Variants in ATP2B2 observed in about 807,000 individuals in gnomAD.
The protein encoded by ATP2B2 is plasma membrane calcium-transporting ATPase 2.
ATP2B2 carries 15 observed loss-of-function variants against 120.0 expected under a neutral mutation model. The ratio of observed to expected loss-of-function variants is 0.12; its 90% CI spans 0.08 to 0.19. The LOEUF is 0.19. Among genes scored for constraint, ATP2B2 ranks in the 10% least tolerant of loss-of-function variants. The pLI, the probability that ATP2B2 is intolerant of heterozygous loss-of-function variation, is 1.00. For synonymous variants in ATP2B2, 694 were observed against 700.3 expected, an observed-to-expected ratio of 0.99 and a Z score of 0.14; for missense variants, 1,045 against 1,719.8, an observed-to-expected ratio of 0.61 and a Z score of 6.94.
intron 2 of ATP2B2, among the ~76,000 whole-genome samples, chr3:10,615,004 C>T (rs146294069): frequency 8.6e-4 from 131 of 152,276 alleles, no homozygotes; most frequent in Non-Finnish European, 1.4e-3. Context: ...CATGCACGGT[C>T]CTGGATTCTA....
chr3:10,604,088 T>C (rs2068996878), intron 2 of ATP2B2, among the ~76,000 whole-genome samples: 1 of 152,100 alleles, frequency 6.6e-6, no homozygotes, highest in Admixed American at 6.6e-5. Flanking sequence ...TGCCCCAACT[T>C]GGTGAGAAAC....
chr3:10,662,384 C>T (rs1409053033), intron 1 of ATP2B2, among the ~76,000 whole-genome samples: 1 of 148,620 alleles, frequency 6.7e-6, no homozygotes. Context: ...AGAACTCAAA[C>T]AAATTTACAA....
intron 2 of ATP2B2, among the ~76,000 whole-genome samples, chr3:10,613,429 C>G (rs1010611282): frequency 4.6e-5 from 7 of 151,844 alleles, no homozygotes; most frequent in Non-Finnish European, 7.4e-5. Flanking sequence ...GGGGACCCTC[C>G]TGGTAGTTGG....
rs976161246 is a variant in ATP2B2 at position 10,499,850 on chromosome 3, G to A, written c.-320+5615C>T. On this transcript the variant is annotated intron_variant, in intron 1 of 22. Coordinates refer to ENST00000360273, the MANE Select transcript of ATP2B2 (RefSeq NM_001001331.4). ...GGCATCCCCCAGCCAGCTACAAAAA[G>A]GTGGAAAGGTGAAGGAGCACCAGGG... Among the ~76,000 whole-genome samples, 7 of 152,190 alleles carry A rather than the reference G, an allele frequency of 4.6e-5. No individual in the cohort carries two copies. The East Asian group carries it at 7.7e-4, about 17-fold the overall frequency.
At position 10,359,756 on chromosome 3, in the gene ATP2B2, G is replaced by A. The variant is rs546237710; in HGVS notation, c.1901+126C>T. ...CCCTCTGTGGCTCTGGGTGCTAGAC[G>A]GCCACTCCAGCCGGGCAGGCTGCTG... On this transcript the variant is annotated intron_variant, in intron 13 of 22. Transcript: ENST00000360273. The A allele has an allele frequency of 7.2e-5, 100 of 1,396,326 alleles. No homozygotes were observed. The Admixed American group carries it at 1.1e-3, about 15-fold the overall frequency. The allele number at this position is 1,396,326 out of a possible 1,614,324, so 86.5% of individuals were successfully genotyped here.
chr3:10,694,491 T>C (rs1459787229), intron 1 of ATP2B2, among the ~76,000 whole-genome samples: 2 of 152,348 alleles, frequency 1.3e-5, no homozygotes, highest in East Asian at 3.9e-4. Flanking sequence ...AATAGTTTGT[T>C]CCTTCTTATT....
intron 2 of ATP2B2, among the ~76,000 whole-genome samples, chr3:10,599,824 G>A (rs1046865559): frequency 6.6e-6 from 1 of 151,394 alleles, no homozygotes; most frequent in African/African-American, 2.4e-5. Flanking sequence ...TGGGGCGGCA[G>A]GCAAGAATTC....
intron 2 of ATP2B2, among the ~76,000 whole-genome samples, chr3:10,541,876 A>T (rs145024468): frequency 3.3e-5 from 5 of 152,144 alleles, no homozygotes; most frequent in Non-Finnish European, 5.9e-5. Flanking sequence ...GAAGTCTCCA[A>T]TTGTAATTGT....
At chr3:10,659,829 G>C (rs1374324767) in intron 1 of ATP2B2, among the ~76,000 whole-genome samples, 2 of 152,122 alleles carry the variant, frequency 1.3e-5, no homozygotes, top group African/African-American at 2.4e-5. Context: ...TTCCAAAATT[G>C]ATCACATAGT....
intron 15 of ATP2B2, 69 bp from the exon 16 acceptor site, chr3:10,350,268 G>T: frequency 6.3e-7 from 1 of 1,576,730 alleles, no homozygotes; most frequent in South Asian, 1.1e-5. Context: ...GGAGAAGGGA[G>T]GGGACATGCC....
chr3:10,495,297 C>A (rs571786220), intron 1 of ATP2B2, among the ~76,000 whole-genome samples: 7 of 152,254 alleles, frequency 4.6e-5, no homozygotes, highest in African/African-American at 1.4e-4. Flanking sequence ...GGGCTTTGGA[C>A]TCTACTCTGC....
At chr3:10,504,218 T>G (rs1301305464) in intron 1 of ATP2B2, among the ~76,000 whole-genome samples, 1 of 150,562 alleles carries the variant, frequency 6.6e-6, no homozygotes, top group African/African-American at 2.5e-5. Context: ...TTGCCACTGC[T>G]CCTTCAACGA....
chr3:10,533,573 G>T (rs1038923815), intron 3 of ATP2B2, among the ~76,000 whole-genome samples: 1 of 152,198 alleles, frequency 6.6e-6, no homozygotes, highest in African/African-American at 2.4e-5. Context: ...ACATGTCCCA[G>T]TAAGCCCACC....
chr3:10,577,835 G>A (rs983008942), intron 2 of ATP2B2, among the ~76,000 whole-genome samples: 3 of 152,246 alleles, frequency 2.0e-5, no homozygotes, highest in Non-Finnish European at 4.4e-5. Context: ...GATGAGCACT[G>A]AGCTGAGAGT....
At chr3:10,637,785 G>C (rs922863624) in intron 1 of ATP2B2, among the ~76,000 whole-genome samples, 2 of 151,972 alleles carry the variant, frequency 1.3e-5, no homozygotes, top group Admixed American at 1.3e-4. Context: ...AAACACACAG[G>C]CCTAAGAAGC....
chr3:10,374,231 G>A (rs939167151), intron 11 of ATP2B2, among the ~76,000 whole-genome samples: 1 of 152,162 alleles, frequency 6.6e-6, no homozygotes, highest in South Asian at 2.1e-4. Context: ...CCCCCTACTC[G>A]TGGCTCTATA....
chr3:10,475,459 C>T (rs2065170305), intron 1 of ATP2B2, among the ~76,000 whole-genome samples: 1 of 152,192 alleles, frequency 6.6e-6, no homozygotes, highest in African/African-American at 2.4e-5. Context: ...TATTGAGCAC[C>T]TACTATGTGT....
intron 2 of ATP2B2, among the ~76,000 whole-genome samples, chr3:10,604,729 T>C (rs908301944): frequency 6.6e-6 from 1 of 152,176 alleles, no homozygotes; most frequent in Non-Finnish European, 1.5e-5. Context: ...CAGCTTCTCT[T>C]CATATTAATA....
chr3:10,666,174 T>A (rs2070927084), intron 1 of ATP2B2, among the ~76,000 whole-genome samples: 1 of 152,130 alleles, frequency 6.6e-6, no homozygotes, highest in Non-Finnish European at 1.5e-5. Context: ...AGAAGTGCTA[T>A]CGGTTTTGGT....
Sources: gnomAD v4.1 joint callset for allele counts (sites outside exome capture counted in the v4.1 genomes callset) on GRCh38, gnomAD v4.1.1 for gene constraint, MANE v1.5 for transcripts, NCBI Gene and HGNC (gene_info 2026-07-23, HGNC 2026-07-21) for gene names.